The following CCND3 variants were observed in gnomAD, a reference collection of about 807,000 sequenced individuals.
The protein encoded by CCND3 is G1/S-specific cyclin-D3.
CCND3 carries 9 observed loss-of-function variants against 28.7 expected under a neutral mutation model. That is an observed-to-expected ratio of 0.31 (90% CI 0.19 to 0.55). The LOEUF is 0.55. Among genes scored for constraint, CCND3 ranks in the 20% least tolerant of loss-of-function variants. CCND3 has a pLI of 0.93. For synonymous variants in CCND3, 164 were observed against 163.9 expected (o/e 1.00, Z 0.00); for missense variants, 315 against 385.8 (o/e 0.82, Z 1.54).
At chr6:41,945,198 C>G (rs1380745682), upstream of CCND3, among the ~76,000 whole-genome samples, 1 of 152,130 alleles carries the variant, frequency 6.6e-6, no homozygotes, top group East Asian at 1.9e-4. Context: ...CATTTTCTTT[C>G]TCTTCCTCTT....
At chr6:41,998,331 T>C (rs1476119967) in intron 1 of CCND3, among the ~76,000 whole-genome samples, 2 of 144,574 alleles carry the variant, frequency 1.4e-5, no homozygotes, top group African/African-American at 2.5e-5. Flanking sequence ...TTTCTTTTCC[T>C]TAATGTGACA....
intron 1 of CCND3, among the ~76,000 whole-genome samples, chr6:42,042,457 T>C (rs543874998): frequency 6.6e-6 from 1 of 151,490 alleles, no homozygotes; most frequent in East Asian, 2.0e-4. Flanking sequence ...GCCTCCTGGG[T>C]TCTAGCGATT....
In CCND3 at chr6:41,973,245, G is replaced by A. The variant is rs560078964; in HGVS notation, c.-45-32660C>T. Among the ~76,000 whole-genome samples the A allele has an allele frequency of 7.9e-5, 12 of 152,226 alleles. No homozygotes were observed. In the South Asian group the frequency reaches 1.0e-3, roughly 13 times the overall value. ...AATCAGAATTTCATTCTCCACTTAA[G>A]CAGTCAATCCAAAGCCTCCAATTCT... On this transcript the variant is annotated intron_variant, in intron 1 of 4. Transcript: ENST00000372988.
chr6:41,973,703 T>C (rs2127408944), intron 1 of CCND3, among the ~76,000 whole-genome samples: 1 of 152,332 alleles, frequency 6.6e-6, no homozygotes, highest in Non-Finnish European at 1.5e-5. Context: ...TAAAAAGCCC[T>C]GATTTCACTG....
intron 1 of CCND3, among the ~76,000 whole-genome samples, chr6:42,001,859 A>G (rs1763021402): frequency 6.6e-6 from 1 of 152,176 alleles, no homozygotes; most frequent in African/African-American, 2.4e-5. Context: ...TCATGCCTAT[A>G]ATCCCAGAAC....
chr6:41,936,239 G>T lies in CCND3; in HGVS notation c.712-132C>A. On this transcript the variant is annotated intron_variant, in intron 4 of 4. Transcript: ENST00000372991. This position sits in a 1 kb window ranked among gnomAD's most constrained non-coding sequence, Gnocchi z 4.4. ...AGGCCACAGCCCGGCCCCAGGAATC[G>T]CTCTTTAGTTCTCAGAAACTAGCAA... 1 of 991,572 alleles carries T rather than the reference G, an allele frequency of 1.0e-6. No homozygotes were observed. Among genetic ancestry groups the T allele is most frequent in the South Asian group, 1.7e-5 (1 of 58,750 alleles). 61.4% of individuals were successfully genotyped at this position (991,572 alleles called of 1,614,324 possible).
intron 1 of CCND3, among the ~76,000 whole-genome samples, chr6:41,988,170 G>T (rs1200596202): frequency 6.6e-6 from 1 of 151,864 alleles, no homozygotes; most frequent in Non-Finnish European, 1.5e-5. Context: ...GCCAGGCATG[G>T]TGGCGCATGC....
At chr6:41,948,765 G>C (rs183787171) in intron 1 of CCND3, among the ~76,000 whole-genome samples, 199 of 151,796 alleles carry the variant, frequency 1.3e-3, no homozygotes, top group Non-Finnish European at 2.1e-3. Context: ...GCTTGAACCG[G>C]GACCCGGGAA....
chr6:42,049,312 C>T (rs1436771576), upstream of CCND3, among the ~76,000 whole-genome samples: 1 of 152,234 alleles, frequency 6.6e-6, no homozygotes, highest in East Asian at 1.9e-4. Flanking sequence ...GCTGGGATTA[C>T]AGGCGAGAGC....
Position 41,936,944 on chromosome 6 carries a change from G to A in CCND3, c.575-249C>T. ...ATAGACAAGACACTCCCTAGTATGG[G>A]AACACAACTAGGGCCAAGAGACTGG... On this transcript the variant is annotated intron_variant, in intron 3 of 4. Transcript: ENST00000372991. This position sits in a 1 kb window ranked among gnomAD's most constrained non-coding sequence, Gnocchi z 4.4. 1 of 594,130 alleles carries A rather than the reference G, an allele frequency of 1.7e-6. No homozygotes were observed. Among genetic ancestry groups the A allele is most frequent in the Non-Finnish European group, 3.0e-6 (1 of 336,188 alleles). 36.8% of individuals were successfully genotyped at this position (594,130 alleles called of 1,614,324 possible).
rs770297855 is a variant in CCND3 at position 41,936,922 on chromosome 6, G to C, written c.575-227C>G. 44 of 597,544 alleles carry C rather than the reference G, an allele frequency of 7.4e-5. No individual in the cohort carries two copies. The highest frequency in any genetic ancestry group is 1.2e-4 in the Non-Finnish European group (40 of 338,426). The allele number at this position is 597,544 out of a possible 1,614,324, so 37.0% of individuals were successfully genotyped here. A position where few individuals can be genotyped will look rare whatever the true frequency, so the allele number is the denominator to read the frequency against. ...CCAGTTTCCATAGGTCCCGGGAATA[G>C]ACAAGACACTCCCTAGTATGGGAAC... On this transcript the variant is annotated intron_variant, in intron 3 of 4. Coordinates refer to ENST00000372991, the MANE Select transcript of CCND3 (RefSeq NM_001760.5). The surrounding 1 kb of genome is among the most constrained non-coding windows in gnomAD (Gnocchi z 4.4).
intron 1 of CCND3, among the ~76,000 whole-genome samples, chr6:42,005,108 A>G (rs1214836555): frequency 6.6e-6 from 1 of 152,226 alleles, no homozygotes; most frequent in Non-Finnish European, 1.5e-5. Flanking sequence ...AAGAAAAATT[A>G]AAGGTTAATG....
In CCND3 at chr6:41,937,258, G is replaced by C; in HGVS notation, c.551C>G (p.Thr184Ser). Residue 184 changes from threonine to serine, a missense_variant, in exon 3 of 5, where the codon ACC becomes AGC. Physicochemically the swap from Thr to Ser is moderately conservative, Grantham distance 58 (BLOSUM62 1). Transcript: ENST00000372991. Reference sequence around the variant, plus strand: ...ACCTGTAGCACAGAGGGCCAAAAAGGTCTGGGCATGCTTTTTGACCAAGGC... The same window carrying C: ...ACCTGTAGCACAGAGGGCCAAAAAGCTCTGGGCATGCTTTTTGACCAAGGC... ...RQALVKKHAQ[T>S]FLALCATDYT... 2 of 1,614,188 alleles carry C rather than the reference G, an allele frequency of 1.2e-6. No individual in the cohort carries two copies. Among genetic ancestry groups the C allele is most frequent in the Non-Finnish European group, 1.7e-6 (2 of 1,180,034 alleles).
At position 42,048,279 on chromosome 6, in the gene CCND3, G is replaced by A. The variant is rs1422203650; in HGVS notation, c.-46+222C>T. ...CAGCTGGAGGGGGTTGTGCCGATGT[G>A]TGTACATACAGAGGGCTCAGGGCCT... On this transcript the variant is annotated intron_variant, in intron 1 of 4. Coordinates refer to the CCND3 transcript ENST00000372988. The surrounding 1 kb of genome is among the most constrained non-coding windows in gnomAD (Gnocchi z 4.7). 3.3e-6 allele frequency: 1 copy of A among 304,402 alleles called. No individual in the cohort carries two copies. The highest frequency in any genetic ancestry group is 6.4e-6 in the Non-Finnish European group (1 of 155,706). 18.9% of individuals were successfully genotyped at this position (304,402 alleles called of 1,614,324 possible). A position where few individuals can be genotyped will look rare whatever the true frequency, so the allele number is the denominator to read the frequency against.
intron 1 of CCND3, among the ~76,000 whole-genome samples, chr6:41,993,925 TAAAAAAAAAAAAAAAAA>T (rs201027925): frequency 2.6e-4 from 32 of 121,198 alleles, no homozygotes; most frequent in African/African-American, 2.9e-4. Context: ...ACTCTTGTCT[TAAAAAAAAAAAAAAAAA>T]AAAAAAAAAA....
rs1433219792 is a variant in CCND3, at chr6:41,955,399, G to GA, written c.-45-14815dup. ...AAGTGCATGGTTAGTTTATTATTTT[G>GA]AAAAAAAACCAATATAATTGATCAC... On this transcript the variant is annotated intron_variant, in intron 1 of 4. Coordinates refer to the CCND3 transcript ENST00000372988. 1.6e-4 allele frequency among the ~76,000 whole-genome samples: 24 copies of GA among 151,004 alleles called. 1 individual carries two copies. The East Asian group carries it at 2.1e-3, about 13-fold the overall frequency.
At chr6:41,962,413 T>C (rs1056097279) in intron 1 of CCND3, among the ~76,000 whole-genome samples, 2 of 152,044 alleles carry the variant, frequency 1.3e-5, no homozygotes, top group African/African-American at 4.8e-5. Flanking sequence ...CAAGCAGTCT[T>C]TCAAAGACTT....
At chr6:42,032,989 T>C (rs986357342) in intron 1 of CCND3, among the ~76,000 whole-genome samples, 1 of 152,216 alleles carries the variant, frequency 6.6e-6, no homozygotes, top group African/African-American at 2.4e-5. Flanking sequence ...TTGAGAGTGA[T>C]GCCTCCCCAA....
chr6:42,007,658 C>T (rs1441762699), intron 1 of CCND3, among the ~76,000 whole-genome samples: 1 of 152,026 alleles, frequency 6.6e-6, no homozygotes, highest in Non-Finnish European at 1.5e-5. Flanking sequence ...AATTAGGTGA[C>T]GTAAAAAATT....
Sources: allele counts gnomAD v4.1 joint callset (sites outside exome capture counted in the v4.1 genomes callset), GRCh38; gene constraint gnomAD v4.1.1; non-coding constraint Gnocchi (gnomAD v3.1); transcripts MANE v1.5; gene names NCBI Gene and HGNC (gene_info 2026-07-23, HGNC 2026-07-21).